VAV3: variants seen among roughly 807,000 people sequenced by gnomAD.
The protein encoded by VAV3 is vav guanine nucleotide exchange factor 3, also known as guanine nucleotide exchange factor VAV3.
VAV3 carries 94 observed loss-of-function variants against 131.2 expected under a neutral mutation model. That is an observed-to-expected ratio of 0.72 (90% CI 0.61 to 0.85). The LOEUF (loss-of-function observed/expected upper bound fraction) is 0.85. Among genes scored for constraint, VAV3 ranks in the 40% least tolerant of loss-of-function variants. The pLI is 0.00. For synonymous variants in VAV3, 349 were observed against 342.0 expected (o/e 1.02, Z -0.22); for missense variants, 939 against 1,002.7 (o/e 0.94, Z 0.86).
intron 25 of VAV3, among the ~76,000 whole-genome samples, chr1:107,575,377 G>C (rs1295409973): frequency 2.0e-5 from 3 of 152,126 alleles, no homozygotes; most frequent in African/African-American, 4.8e-5. Context: ...TGTTACCCTG[G>C]AAGAGCCTGC....
intron 13 of VAV3, 87 bp downstream of exon 13, chr1:107,751,022 TCCCCCTAC>T: frequency 1.7e-6 from 2 of 1,189,926 alleles, no homozygotes; most frequent in Admixed American, 2.5e-5. Flanking sequence ...CTTCCTTTTT[TCCCCCTAC>T]TTCACACTGG....
At chr1:107,605,787 G>T (rs1652216100) in intron 22 of VAV3, among the ~76,000 whole-genome samples, 1 of 151,992 alleles carries the variant, frequency 6.6e-6, no homozygotes, top group South Asian at 2.1e-4. Flanking sequence ...TTTACACTTG[G>T]GTTCCATCCT....
chr1:107,602,366 C>T (rs1474253397), intron 24 of VAV3, 31 bp downstream of exon 24: 2 of 1,433,532 alleles, frequency 1.4e-6, no homozygotes, highest in East Asian at 5.2e-5. Context: ...AAATAAGGAT[C>T]CCAGATTGAA....
At chr1:107,928,052 AG>A (rs376641143) in intron 1 of VAV3, among the ~76,000 whole-genome samples, 5 of 152,310 alleles carry the variant, frequency 3.3e-5, no homozygotes, top group African/African-American at 1.2e-4. Context: ...CCCCAGCTCC[AG>A]GTGGCTCAGA....
At chr1:107,599,182 C>T (rs1651640177) in intron 24 of VAV3, among the ~76,000 whole-genome samples, 1 of 152,174 alleles carries the variant, frequency 6.6e-6, no homozygotes, top group Non-Finnish European at 1.5e-5. Context: ...TTTATCACTT[C>T]ACTAAGCATG....
At chr1:107,938,211 G>A (rs74109682) in intron 1 of VAV3, among the ~76,000 whole-genome samples, 44 of 152,238 alleles carry the variant, frequency 2.9e-4, no homozygotes, top group African/African-American at 9.4e-4. Context: ...AAGAGGAGGC[G>A]ATCCCCGAGC....
intron 15 of VAV3, among the ~76,000 whole-genome samples, chr1:107,728,995 T>C (rs1411567561): frequency 6.6e-6 from 1 of 152,002 alleles, no homozygotes; most frequent in Non-Finnish European, 1.5e-5. Flanking sequence ...AACAGTTTAG[T>C]TTTTTTTCTC....
intron 2 of VAV3, among the ~76,000 whole-genome samples, chr1:107,819,681 G>C (rs961020702): frequency 2.6e-5 from 4 of 152,052 alleles, no homozygotes; most frequent in African/African-American, 9.7e-5. Context: ...ATTTATGTAG[G>C]ATTTCATAAT....
intron 17 of VAV3, among the ~76,000 whole-genome samples, chr1:107,688,845 TACA>T (rs1174506794): frequency 1.3e-5 from 2 of 152,206 alleles, no homozygotes; most frequent in Non-Finnish European, 2.9e-5. Context: ...TTATACATAG[TACA>T]ACATTTCGTG....
chr1:107,693,720 T>C (rs942658868), intron 17 of VAV3, among the ~76,000 whole-genome samples: 2 of 152,180 alleles, frequency 1.3e-5, no homozygotes, highest in African/African-American at 4.8e-5. Flanking sequence ...CAACATGATA[T>C]TAAGTGCCAC....
chr1:107,848,312 CAA>C (rs34249858), intron 2 of VAV3, among the ~76,000 whole-genome samples: 45 of 92,156 alleles, frequency 4.9e-4, no homozygotes, highest in South Asian at 2.5e-3. Flanking sequence ...GACTCCGTCT[CAA>C]AAAAAAAAAA....
intron 15 of VAV3, among the ~76,000 whole-genome samples, chr1:107,716,494 T>C (rs976317078): frequency 3.3e-5 from 5 of 152,218 alleles, no homozygotes; most frequent in Admixed American, 1.3e-4. Flanking sequence ...GAGATAATCA[T>C]GTGGTTTTTG....
At chr1:107,820,330 G>A (rs533470257) in intron 2 of VAV3, among the ~76,000 whole-genome samples, 2 of 152,222 alleles carry the variant, frequency 1.3e-5, no homozygotes, top group South Asian at 2.1e-4. Flanking sequence ...AGAACTGGAG[G>A]ACATTATGCT....
intron 2 of VAV3, among the ~76,000 whole-genome samples, chr1:107,867,679 A>T (rs1336576658): frequency 1.3e-5 from 2 of 152,186 alleles, no homozygotes; most frequent in Non-Finnish European, 2.9e-5. Flanking sequence ...TCAGGGGGAC[A>T]AAGCAAACGC....
At position 107,702,742 on chromosome 1, in the gene VAV3, C is replaced by T. The variant is rs1011008266; in HGVS notation, c.1705+1808G>A. Among the ~76,000 whole-genome samples, 19 of 151,562 alleles carry T rather than the reference C, an allele frequency of 1.3e-4. No homozygotes were observed. The East Asian group carries it at 1.4e-3, about 11-fold the overall frequency. Reference sequence around the variant, plus strand: ...TGGTGCTCCTTAACGTTCCCATCCACGTGTACTCCAGATCATGAAAACAAT... The same window carrying T: ...TGGTGCTCCTTAACGTTCCCATCCATGTGTACTCCAGATCATGAAAACAAT... On this transcript the variant is annotated intron_variant, in intron 17 of 26. Coordinates refer to ENST00000370056, the MANE Select transcript of VAV3 (RefSeq NM_006113.5).
chr1:107,904,475 T>A (rs1039871997), intron 1 of VAV3, among the ~76,000 whole-genome samples: 32 of 152,240 alleles, frequency 2.1e-4, no homozygotes, highest in African/African-American at 7.5e-4. Flanking sequence ...TGAATTTTTT[T>A]ATTTCTTTTC....
chr1:107,656,725 T>A (rs892083899), intron 19 of VAV3, among the ~76,000 whole-genome samples: 1 of 152,116 alleles, frequency 6.6e-6, no homozygotes, highest in Non-Finnish European at 1.5e-5. Flanking sequence ...TATGCACATC[T>A]ATTATATATC....
chr1:107,654,787 C>T (rs914935183), intron 19 of VAV3, among the ~76,000 whole-genome samples: 1 of 152,102 alleles, frequency 6.6e-6, no homozygotes, highest in South Asian at 2.1e-4. Flanking sequence ...TCCCTTATCC[C>T]CACAAAGCTT....
intron 1 of VAV3, among the ~76,000 whole-genome samples, chr1:107,888,012 G>GA (rs1203123636): frequency 4.6e-5 from 7 of 151,506 alleles, no homozygotes; most frequent in Admixed American, 3.3e-4. Context: ...TTTGGGGGGG[G>GA]GGTTATTTTG....
Sources: gnomAD v4.1 joint callset for allele counts (sites outside exome capture counted in the v4.1 genomes callset) on GRCh38, gnomAD v4.1.1 for gene constraint, MANE v1.5 for transcripts, NCBI Gene and HGNC (gene_info 2026-07-23, HGNC 2026-07-21) for gene names.